The following MYO7B variants were observed in gnomAD, a reference collection of about 807,000 sequenced individuals.
The protein encoded by MYO7B is myosin VIIB, also known as unconventional myosin-VIIb.
A neutral mutation model predicts 259.7 loss-of-function variants in MYO7B; 212 were observed. The ratio of observed to expected loss-of-function variants is 0.82; its 90% CI spans 0.73 to 0.91. The LOEUF is 0.91. Among genes scored for constraint, MYO7B ranks in the 40% least tolerant of loss-of-function variants. The pLI is 0.00. For synonymous variants in MYO7B, 1,197 were observed against 1,166.4 expected (o/e 1.03, Z -0.54); for missense variants, 2,732 against 2,813.5 (o/e 0.97, Z 0.66).
intron 30 of MYO7B, 93 bp downstream of exon 30, chr2:127,624,413 A>G: frequency 8.9e-7 from 1 of 1,121,880 alleles, no homozygotes; most frequent in Non-Finnish European, 1.3e-6. Flanking sequence ...GGCCAGGTAG[A>G]AGGTGGGGGG....
At position 127,584,417 on chromosome 2, in the gene MYO7B, C is replaced by T; in HGVS notation, c.1554+85C>T. The T allele has an allele frequency of 7.0e-7, 1 of 1,420,186 alleles. No homozygotes were observed. Among genetic ancestry groups the T allele is most frequent in the Non-Finnish European group, 9.7e-7 (1 of 1,026,440 alleles). The allele number at this position is 1,420,186 out of a possible 1,614,324, so 88.0% of individuals were successfully genotyped here. A position where few individuals can be genotyped will look rare whatever the true frequency, so the allele number is the denominator to read the frequency against. On this transcript the variant is annotated intron_variant, in intron 13 of 47. Transcript: ENST00000409816. This position sits in a 1 kb window ranked among gnomAD's most constrained non-coding sequence, Gnocchi z 5.8. The stretch of plus-strand genomic sequence containing the variant: ...GGCTGGGAAACTCCATTTGGGTGGG[C>T]CACTTGTTCTGAGAGTCACTAAAAC...
At chr2:127,556,599 T>C (rs1268024842) in intron 1 of MYO7B, among the ~76,000 whole-genome samples, 1 of 152,202 alleles carries the variant, frequency 6.6e-6, no homozygotes, top group African/African-American at 2.4e-5. Flanking sequence ...GCAAATTCTC[T>C]CAGCATTTGT....
At chr2:127,632,895 A>T (rs2105139878) in intron 39 of MYO7B, among the ~76,000 whole-genome samples, 1 of 152,318 alleles carries the variant, frequency 6.6e-6, no homozygotes, top group East Asian at 1.9e-4. Context: ...AGCCGTGGTC[A>T]CAGAGAGAGG....
chr2:127,575,554 A>G (rs892797420), intron 7 of MYO7B, among the ~76,000 whole-genome samples: 3 of 152,170 alleles, frequency 2.0e-5, no homozygotes, highest in African/African-American at 7.2e-5. Flanking sequence ...AGAACCACAA[A>G]TATGTTTTGT....
At chr2:127,579,383 T>C (rs1679011149) in intron 9 of MYO7B, among the ~76,000 whole-genome samples, 1 of 152,102 alleles carries the variant, frequency 6.6e-6, no homozygotes. Flanking sequence ...TCTCACGCCA[T>C]GTGAGAATAT....
Position 127,559,657 on chromosome 2 carries a change from G to C in MYO7B, c.-23-43G>C, listed in dbSNP as rs1677985164. 1.3e-6 allele frequency: 2 copies of C among 1,594,642 alleles called. No individual in the cohort carries two copies. Among genetic ancestry groups the C allele is most frequent in the African/African-American group, 1.3e-5 (1 of 74,514 alleles). On this transcript the variant is annotated intron_variant, in intron 1 of 47. Transcript: ENST00000409816. The surrounding 1 kb of genome is among the most constrained non-coding windows in gnomAD (Gnocchi z 4.1). Reference sequence around the variant, plus strand: ...CCTGTGCTCCAGGGGCTCCTATTGGGGCTGTGTATGGAGCTGACGTTCTGC... The same window carrying C: ...CCTGTGCTCCAGGGGCTCCTATTGGCGCTGTGTATGGAGCTGACGTTCTGC...
intron 1 of MYO7B, among the ~76,000 whole-genome samples, chr2:127,549,406 C>T (rs761743387): frequency 1.3e-5 from 2 of 152,118 alleles, no homozygotes; most frequent in African/African-American, 2.4e-5. Context: ...TAGAAATGAT[C>T]CCGTCACCCA....
At chr2:127,632,693 G>A (rs1573726829) in intron 39 of MYO7B, among the ~76,000 whole-genome samples, 1 of 152,230 alleles carries the variant, frequency 6.6e-6, no homozygotes, top group East Asian at 1.9e-4. Context: ...GGATGCCCCA[G>A]CCCAGGCCCT....
rs138959423 is a variant in MYO7B, at chr2:127,608,788, C to T, written c.2724C>T (p.Thr908=). Residue 908 remains threonine, a synonymous_variant, in exon 22 of 48, where the codon ACC becomes ACT. Coordinates refer to ENST00000409816, the MANE Select transcript of MYO7B (RefSeq NM_001393586.1). ...PAKKRRSIYD[T]VTDTEMVEKV... is the part of the protein sequence containing the mutation. Reference sequence around the variant, plus strand: ...AGAAGCGCAGATCCATCTACGACACCGTCACTGACACGGAGATGGTGGAGA... The same window carrying T: ...AGAAGCGCAGATCCATCTACGACACTGTCACTGACACGGAGATGGTGGAGA... 1,931 of 1,613,528 alleles carry T rather than the reference C, an allele frequency of 1.2e-3. 15 individuals are homozygous for T. In the African/African-American group the frequency reaches 0.018, roughly 15 times the overall value.
At position 127,556,735 on chromosome 2, in the gene MYO7B, T is replaced by C. The variant is rs182173608; in HGVS notation, c.-23-2965T>C. 2.0e-4 allele frequency among the ~76,000 whole-genome samples: 31 copies of C among 152,384 alleles called. No individual in the cohort carries two copies. The East Asian group carries it at 5.6e-3, about 27-fold the overall frequency. ...TAGGGTCCCAATCCCTTCTAGCTTA[T>C]AGAGTTTCTGCTGAGAAATCTGCTA... On this transcript the variant is annotated intron_variant, in intron 1 of 47. Transcript: ENST00000409816.
chr2:127,626,951 G>A, intron 31 of MYO7B, 24 bp from the exon 32 acceptor site: 1 of 1,590,448 alleles, frequency 6.3e-7, no homozygotes, highest in Admixed American at 1.7e-5. Flanking sequence ...GGTGACGGAG[G>A]TGACATCCAG....
intron 12 of MYO7B, among the ~76,000 whole-genome samples, chr2:127,583,594 C>A (rs944376526): frequency 6.6e-6 from 1 of 152,126 alleles, no homozygotes; most frequent in Non-Finnish European, 1.5e-5. Flanking sequence ...CTGACTTGAG[C>A]CGGGGGTGGT....
rs753668172 is a variant in MYO7B, at chr2:127,584,955, C to T, written c.1690+42C>T. 20 of 1,609,366 alleles carry T rather than the reference C, an allele frequency of 1.2e-5. No individual in the cohort carries two copies. Among genetic ancestry groups the T allele is most frequent in the East Asian group, 4.5e-5 (2 of 44,818 alleles). ...TCTCATGTCCCTTCCAAATCTGGAC[C>T]GGGTTCCAGGGAGACCGTGGAAAGC... On this transcript the variant is annotated intron_variant, in intron 14 of 47. Transcript: ENST00000409816. The surrounding 1 kb of genome is among the most constrained non-coding windows in gnomAD (Gnocchi z 5.8).
chr2:127,546,617 C>T lies in MYO7B; in HGVS notation c.-24+10786C>T, dbSNP rs796396809. Among the ~76,000 whole-genome samples the T allele has an allele frequency of 3.3e-5, 5 of 152,278 alleles. 1 individual carries two copies. Among genetic ancestry groups the T allele is most frequent in the African/African-American group, 1.2e-4 (5 of 41,546 alleles). ...CCTGAGATTAGGTAGGACACTGATC[C>T]CCGTAAGCTCAGCCACACTGACCTG... On this transcript the variant is annotated intron_variant, in intron 1 of 47. Coordinates refer to ENST00000409816, the MANE Select transcript of MYO7B (RefSeq NM_001393586.1). This position sits in a 1 kb window ranked among gnomAD's most constrained non-coding sequence, Gnocchi z 4.2.
chr2:127,624,191 C>G lies in MYO7B; in HGVS notation c.3918C>G (p.Pro1306=), dbSNP rs1680989840. Residue 1306 remains proline, a synonymous_variant, in exon 30 of 48, where the codon CCC becomes CCG. Coordinates refer to ENST00000409816, the MANE Select transcript of MYO7B (RefSeq NM_001393586.1). ...QERGESQRQS[P]WRIYFRKEFF... The stretch of plus-strand genomic sequence containing the variant: ...GGGGCGAGAGCCAGCGCCAGTCACC[C>G]TGGCGCATCTACTTCCGGAAGGAAT... 1 of 1,596,804 alleles carries G rather than the reference C, an allele frequency of 6.3e-7. No individual in the cohort carries two copies. The highest frequency in any genetic ancestry group is 8.5e-7 in the Non-Finnish European group (1 of 1,172,390).
chr2:127,625,340 G>T, intron 30 of MYO7B, 28 bp from the exon 31 acceptor site: 1 of 1,489,396 alleles, frequency 6.7e-7, no homozygotes, highest in Non-Finnish European at 9.0e-7. Context: ...TGTCTCACTC[G>T]CCCCCGTGGG....
chr2:127,617,497 T>TTG (rs1553455812), intron 26 of MYO7B, among the ~76,000 whole-genome samples: 4 of 129,676 alleles, frequency 3.1e-5, no homozygotes, highest in African/African-American at 1.2e-4. Flanking sequence ...GTTTTTTTTT[T>TTG]TTTTTTTTTT....
intron 14 of MYO7B, among the ~76,000 whole-genome samples, chr2:127,587,971 A>C (rs529091390): frequency 6.6e-6 from 1 of 152,318 alleles, no homozygotes; most frequent in Admixed American, 6.5e-5. Flanking sequence ...GTCCACACAC[A>C]GTCATGTTCT....
chr2:127,624,331 T>C lies in MYO7B; in HGVS notation c.4047+11T>C. 1 of 1,560,368 alleles carries C rather than the reference T, an allele frequency of 6.4e-7. No individual in the cohort carries two copies. ...TACAGCTTCGAGAAGGTGAGGGGCCTGAGAGCCAGGTCCACCCTAGGCTTT... is the reference window on the plus strand; with the variant it reads ...TACAGCTTCGAGAAGGTGAGGGGCCCGAGAGCCAGGTCCACCCTAGGCTTT... On this transcript the variant is annotated intron_variant, in intron 30 of 47. Coordinates refer to ENST00000409816, the MANE Select transcript of MYO7B (RefSeq NM_001393586.1).
Sources: gnomAD v4.1 joint callset for allele counts (sites outside exome capture counted in the v4.1 genomes callset) on GRCh38, gnomAD v4.1.1 for gene constraint, Gnocchi (gnomAD v3.1) non-coding constraint, MANE v1.5 for transcripts, NCBI Gene and HGNC (gene_info 2026-07-23, HGNC 2026-07-21) for gene names.